Variants in TTBK2 observed in about 807,000 individuals in gnomAD.
TTBK2 encodes tau tubulin kinase 2.
TTBK2 carries 28 observed loss-of-function variants against 110.8 expected under a neutral mutation model. The ratio of observed to expected loss-of-function variants is 0.25; its 90% CI spans 0.19 to 0.35. The LOEUF (loss-of-function observed/expected upper bound fraction) is 0.35, where lower values mean the gene tolerates loss of function less well. Among genes scored for constraint, TTBK2 ranks in the 10% least tolerant of loss-of-function variants. The pLI, the probability that TTBK2 is intolerant of heterozygous loss-of-function variation, is 1.00. For missense variants in TTBK2, 1,369 were observed against 1,500.3 expected, an observed-to-expected ratio of 0.91 and a Z score of 1.45; for synonymous variants, 532 against 527.3, an observed-to-expected ratio of 1.01 and a Z score of -0.12.
At chr15:42,878,716 T>C (rs1191496640) in intron 1 of TTBK2, 32 bp from the exon 2 acceptor site, 20 of 1,599,122 alleles carry the variant, frequency 1.3e-5, no homozygotes, top group Non-Finnish European at 1.5e-5. Context: ...ATAGTAGCAG[T>C]ATTTAGGGTT....
intron 9 of TTBK2, among the ~76,000 whole-genome samples, chr15:42,798,804 T>C (rs1420360062): frequency 1.3e-5 from 2 of 152,162 alleles, no homozygotes; most frequent in African/African-American, 4.8e-5. Context: ...GTGAATCTTC[T>C]GTAAATGGAT....
At chr15:42,878,808 AGGGG>A in intron 1 of TTBK2, 124 bp from the exon 2 acceptor site, 1 of 1,255,726 alleles carries the variant, frequency 8.0e-7, no homozygotes, top group Admixed American at 2.4e-5. Context: ...GTTGGGAAGA[AGGGG>A]AAAAAGACCT....
Position 42,775,246 on chromosome 15 carries a change from A to G in TTBK2, c.1887T>C (p.Ala629=). The change falls in exon 13 of 15, where the codon GCT becomes GCC. Residue 629 remains alanine (A), a synonymous_variant. Transcript: ENST00000267890. ...CCAGCCTATCTGTATATTGTTCTGAAGCAGCAGTAGGAGGACCCTCTGCAG... is the reference window on the plus strand; with the variant it reads ...CCAGCCTATCTGTATATTGTTCTGAGGCAGCAGTAGGAGGACCCTCTGCAG... ...ALSAEGPPTA[A]SEQYTDRLEL... The G allele has an allele frequency of 6.2e-7, 1 of 1,614,232 alleles. No individual in the cohort carries two copies. The highest frequency in any genetic ancestry group is 8.5e-7 in the Non-Finnish European group (1 of 1,180,040).
At chr15:42,757,289 T>A (rs1384511239) in intron 13 of TTBK2, among the ~76,000 whole-genome samples, 1 of 142,568 alleles carries the variant, frequency 7.0e-6, no homozygotes, top group Admixed American at 7.0e-5. Context: ...AAAAAAAAAA[T>A]TTGCACAGAC....
chr15:42,878,520 C>CAT, intron 2 of TTBK2, 29 bp downstream of exon 2: 1 of 1,610,968 alleles, frequency 6.2e-7, no homozygotes. Flanking sequence ...CACACACACA[C>CAT]ACACACACTC....
chr15:42,914,296 C>G (rs914115588), intron 1 of TTBK2, among the ~76,000 whole-genome samples: 24 of 152,114 alleles, frequency 1.6e-4, no homozygotes, highest in Admixed American at 3.9e-4. Flanking sequence ...TTTTCAAAAA[C>G]AGCAAAACTG....
At chr15:42,903,150 C>T (rs993283559) in intron 1 of TTBK2, among the ~76,000 whole-genome samples, 53 of 152,204 alleles carry the variant, frequency 3.5e-4, no homozygotes, top group African/African-American at 1.3e-3. Flanking sequence ...TTAAAGACAT[C>T]ACACTAAGTG....
At chr15:42,800,373 T>A (rs925094888) in intron 9 of TTBK2, 1 of 389,544 alleles carries the variant, frequency 2.6e-6, no homozygotes, top group Admixed American at 3.8e-5. Context: ...ATACACACAA[T>A]GCCTTAGGGA....
chr15:42,783,461 C>T lies in TTBK2; in HGVS notation c.1155G>A (p.Glu385=). ...TTATCTTGTTTTTGTTGGCATCCAT[C>T]TCTTCCCAAACATCCTTCTCCTGGG... ...PRPQEKDVWE[E]MDANKNKIKL... Residue 385 remains glutamate, a synonymous_variant, in exon 11 of 15, where the codon GAG becomes GAA. Transcript: ENST00000267890. The T allele has an allele frequency of 1.2e-6, 2 of 1,614,192 alleles. No individual in the cohort carries two copies. Among genetic ancestry groups the T allele is most frequent in the African/African-American group, 1.3e-5 (1 of 75,052 alleles).
intron 2 of TTBK2, among the ~76,000 whole-genome samples, chr15:42,875,831 G>A (rs150203226): frequency 0.023 from 3,490 of 151,420 alleles, 64 homozygotes; most frequent in Non-Finnish European, 0.031. Flanking sequence ...GCTTGAACCC[G>A]GGAGGCGCAG....
chr15:42,847,870 T>A (rs1340573216), intron 3 of TTBK2, among the ~76,000 whole-genome samples: 1 of 152,220 alleles, frequency 6.6e-6, no homozygotes, highest in Non-Finnish European at 1.5e-5. Flanking sequence ...TTTTATATTT[T>A]TAGACAGGAT....
intron 9 of TTBK2, chr15:42,800,249 T>G (rs756748309): frequency 4.7e-6 from 2 of 426,438 alleles, no homozygotes; most frequent in Non-Finnish European, 9.2e-6. Context: ...CCAACAAAAA[T>G]ATATTATTCT....
chr15:42,794,574 G>A, intron 10 of TTBK2, 70 bp downstream of exon 10: 2 of 1,608,186 alleles, frequency 1.2e-6, no homozygotes, highest in East Asian at 2.2e-5. Flanking sequence ...AGGGAATCTG[G>A]ATGAAGTAAA....
Position 42,878,648 on chromosome 15 carries a change from A to C in TTBK2, c.-31T>G. 6.2e-7 allele frequency: 1 copy of C among 1,613,860 alleles called. No homozygotes were observed. On this transcript the variant is annotated 5_prime_UTR_variant, in exon 2 of 15. Coordinates refer to ENST00000267890, the MANE Select transcript of TTBK2 (RefSeq NM_173500.4). ...TACACTGATATGGTAGAACAGCTAC[A>C]CAGGCATCCAGTTCCCAAGGGTGGT... is the stretch of plus-strand genomic sequence containing the variant.
rs775658155 is a variant in TTBK2, at chr15:42,777,222, G to A, written c.1218C>T (p.Asn406=). The A allele has an allele frequency of 2.3e-5, 37 of 1,614,040 alleles. No individual in the cohort carries two copies. The East Asian group carries it at 6.0e-4, about 26-fold the overall frequency. The change falls in exon 12 of 15, where the codon AAC becomes AAT. Residue 406 remains asparagine (N), a synonymous_variant. Coordinates refer to ENST00000267890, the MANE Select transcript of TTBK2 (RefSeq NM_173500.4). ...GICKAATEEE[N]SHGQANGLLN... ...GAAGACCATTTGCCTGGCCATGGCT[G>A]TTCTCCTCTTCAGTAGCAGCCTATC...
chr15:42,758,196 A>G (rs1423871921), intron 13 of TTBK2, among the ~76,000 whole-genome samples: 1 of 152,214 alleles, frequency 6.6e-6, no homozygotes, highest in African/African-American at 2.4e-5. Flanking sequence ...TCTATGTCTC[A>G]TTTTTGTTTG....
At position 42,801,332 on chromosome 15, in the gene TTBK2, C is replaced by T. The variant is rs574269156; in HGVS notation, c.823-6531G>A. On this transcript the variant is annotated intron_variant, in intron 9 of 14. Coordinates refer to ENST00000267890, the MANE Select transcript of TTBK2 (RefSeq NM_173500.4). ...GCCGCGCCATGTCTTGACTGGCTAG[C>T]TGCAGGGCGGCCTCCAGCTCAGACA... The T allele has an allele frequency of 2.5e-6, 4 of 1,591,458 alleles. No homozygotes were observed. The African/African-American group carries it at 4.0e-5, about 16-fold the overall frequency.
At chr15:42,871,354 C>T in intron 3 of TTBK2, 1 of 781,008 alleles carries the variant, frequency 1.3e-6, no homozygotes, top group African/African-American at 1.9e-5. Context: ...AACTGATCTT[C>T]AAGTTTTATC....
chr15:42,761,363 A>C (rs1186938957), intron 13 of TTBK2, among the ~76,000 whole-genome samples: 2 of 152,242 alleles, frequency 1.3e-5, no homozygotes, highest in Non-Finnish European at 2.9e-5. Context: ...ACAGCAAAGG[A>C]AACAGTCAAT....
Sources: gnomAD v4.1 joint callset for allele counts (sites outside exome capture counted in the v4.1 genomes callset) on GRCh38, gnomAD v4.1.1 for gene constraint, MANE v1.5 for transcripts, NCBI Gene and HGNC (gene_info 2026-07-23, HGNC 2026-07-21) for gene names.